ASXL3: variants seen among roughly 807,000 people sequenced by gnomAD.
ASXL3 encodes putative Polycomb group protein ASXL3.
ASXL3 carries 34 observed loss-of-function variants against 170.6 expected under a neutral mutation model. The ratio of observed to expected loss-of-function variants is 0.20; its 90% CI spans 0.15 to 0.27. ASXL3 has a LOEUF of 0.27. Ranked by LOEUF, ASXL3 falls within the 10% of genes least tolerant of loss-of-function variation. The probability of loss-of-function intolerance (pLI) is 1.00; values close to 1 mark genes in which losing one functional copy is unlikely to be tolerated. For synonymous variants in ASXL3, 1,002 were observed against 989.1 expected, an observed-to-expected ratio of 1.01 and a Z score of -0.24; for missense variants, 2,592 against 2,695.3, an observed-to-expected ratio of 0.96 and a Z score of 0.85.
chr18:33,642,053 C>T (rs1035632518), intron 2 of ASXL3, among the ~76,000 whole-genome samples: 1 of 151,828 alleles, frequency 6.6e-6, no homozygotes, highest in Admixed American at 6.6e-5. Context: ...GCATGTACAT[C>T]TGCCTCATTT....
intron 8 of ASXL3, among the ~76,000 whole-genome samples, chr18:33,690,924 C>T (rs1297999514): frequency 6.6e-6 from 1 of 152,136 alleles, no homozygotes; most frequent in Non-Finnish European, 1.5e-5. Flanking sequence ...CATGGTTGGA[C>T]TCTAAAACTC....
intron 2 of ASXL3, among the ~76,000 whole-genome samples, chr18:33,611,060 G>A (rs997410556): frequency 6.6e-6 from 1 of 152,056 alleles, no homozygotes; most frequent in Non-Finnish European, 1.5e-5. Context: ...TTATTTGACT[G>A]AGGTGAAATT....
In ASXL3 at chr18:33,608,940, C is replaced by T. The variant is rs571857608; in HGVS notation, c.137+1264C>T. On this transcript the variant is annotated intron_variant, in intron 2 of 11. Transcript: ENST00000269197. The stretch of plus-strand genomic sequence containing the variant: ...CACAATTTACTGGCGTACAGGACAC[C>T]TATGCTCAAATTTTCATTTTTTATT... The T allele has an allele frequency of 4.1e-4, 300 of 737,034 alleles. No individual in the cohort carries two copies. The African/African-American group carries it at 5.0e-3, about 12-fold the overall frequency. 45.7% of individuals were successfully genotyped at this position (737,034 alleles called of 1,614,324 possible).
At chr18:33,730,235 C>T (rs1568353880) in intron 8 of ASXL3, among the ~76,000 whole-genome samples, 1 of 151,980 alleles carries the variant, frequency 6.6e-6, no homozygotes, top group African/African-American at 2.4e-5. Flanking sequence ...ACAGGACATG[C>T]CCCCACTAAA....
chr18:33,614,733 G>A (rs2065394183), intron 2 of ASXL3: 1 of 152,092 alleles, frequency 6.6e-6, no homozygotes, highest in Admixed American at 6.6e-5. Flanking sequence ...TAGCAGGTAT[G>A]AAAGCAACAT....
intron 7 of ASXL3, among the ~76,000 whole-genome samples, chr18:33,672,735 A>G (rs931057970): frequency 6.6e-6 from 1 of 152,196 alleles, no homozygotes; most frequent in Non-Finnish European, 1.5e-5. Context: ...ACTTGAGATA[A>G]TTCTTATTTG....
rs1480362565 is a variant in ASXL3 at position 33,739,167 on chromosome 18, T to C, written c.1763T>C (p.Ile588Thr). 2 of 1,613,788 alleles carry C rather than the reference T, an allele frequency of 1.2e-6. No homozygotes were observed. The highest frequency in any genetic ancestry group is 1.7e-5 in the Admixed American group (1 of 59,956). ...SLEGQFPNEG[I>T]AIDMELQSDP... is the part of the protein sequence containing the mutation. The stretch of plus-strand genomic sequence containing the variant: ...GAAGGCCAGTTTCCAAATGAAGGAA[T>C]TGCTATAGATATGGAGCTACAGAGT... The change falls in exon 11 of 12, where the codon ATT (isoleucine) becomes ACT (threonine). Residue 588 changes from isoleucine to threonine, a missense_variant. Around this residue, in one of 4 missense-constraint regions of ASXL3, gnomAD observed 2,246 missense variants for 2,219.6 expected, o/e 1.01. Transcript: ENST00000269197.
At chr18:33,659,725 G>A (rs2066141687) in intron 4 of ASXL3, among the ~76,000 whole-genome samples, 1 of 152,034 alleles carries the variant, frequency 6.6e-6, no homozygotes. Flanking sequence ...AGAAGCCTAG[G>A]AAGCATAGTT....
At chr18:33,719,720 T>C (rs942761418) in intron 8 of ASXL3, among the ~76,000 whole-genome samples, 1 of 151,944 alleles carries the variant, frequency 6.6e-6, no homozygotes, top group Admixed American at 6.6e-5. Flanking sequence ...AGTTCTCTTA[T>C]AAGAAACCCC....
At chr18:33,624,009 C>A (rs2065560143) in intron 2 of ASXL3, among the ~76,000 whole-genome samples, 6 of 152,034 alleles carry the variant, frequency 3.9e-5, no homozygotes, top group East Asian at 1.9e-4. Context: ...ATAAAAAAAA[C>A]CAGCCAGGTG....
intron 5 of ASXL3, among the ~76,000 whole-genome samples, chr18:33,666,105 A>AG (rs1304365580): frequency 6.6e-6 from 1 of 152,150 alleles, no homozygotes; most frequent in Non-Finnish European, 1.5e-5. Context: ...ACCGGCTTGA[A>AG]GGTACATTCC....
chr18:33,678,077 A>ATTAT (rs140094203), intron 7 of ASXL3, among the ~76,000 whole-genome samples: 4,092 of 149,270 alleles, frequency 0.027, 99 homozygotes, highest in Admixed American at 0.072. Context: ...TTATGTATTT[A>ATTAT]TTATTTATTT....
chr18:33,628,681 A>C (rs1454928722), intron 2 of ASXL3, among the ~76,000 whole-genome samples: 1 of 152,194 alleles, frequency 6.6e-6, no homozygotes, highest in Non-Finnish European at 1.5e-5. Flanking sequence ...GAAAGACAGC[A>C]TTTGAAGACA....
chr18:33,740,428 G>A lies in ASXL3; in HGVS notation c.3024G>A (p.Arg1008=). Residue 1008 remains arginine (R), a synonymous_variant, in exon 11 of 12, where the codon AGG becomes AGA. Coordinates refer to ENST00000269197, the MANE Select transcript of ASXL3 (RefSeq NM_030632.3). The part of the protein sequence containing the change: ...EKEQPPREEP[R]VPPLKIQLSK... Reference sequence around the variant, plus strand: ...AACAGCCTCCCAGAGAGGAACCAAGGGTTCCCCCTCTCAAGGTATGGTATT... The same window carrying A: ...AACAGCCTCCCAGAGAGGAACCAAGAGTTCCCCCTCTCAAGGTATGGTATT... The A allele has an allele frequency of 6.4e-7, 1 of 1,573,810 alleles. No individual in the cohort carries two copies. The highest frequency in any genetic ancestry group is 8.6e-7 in the Non-Finnish European group (1 of 1,165,962).
At chr18:33,651,879 G>T (rs1244074863) in intron 4 of ASXL3, among the ~76,000 whole-genome samples, 1 of 151,980 alleles carries the variant, frequency 6.6e-6, no homozygotes, top group Non-Finnish European at 1.5e-5. Context: ...AAGGTACTTT[G>T]TTACAAAGTT....
At chr18:33,693,800 AAGG>A (rs1171454419) in intron 8 of ASXL3, among the ~76,000 whole-genome samples, 2 of 152,140 alleles carry the variant, frequency 1.3e-5, no homozygotes, top group Non-Finnish European at 2.9e-5. Context: ...GAGATTTACA[AAGG>A]CTCAAATTTG....
intron 8 of ASXL3, among the ~76,000 whole-genome samples, chr18:33,693,806 C>T (rs530213354): frequency 2.4e-4 from 36 of 152,220 alleles, no homozygotes; most frequent in South Asian, 8.3e-4. Flanking sequence ...TACAAAGGCT[C>T]AAATTTGAAG....
chr18:33,589,834 T>G (rs1249600015), intron 1 of ASXL3, among the ~76,000 whole-genome samples: 1 of 152,188 alleles, frequency 6.6e-6, no homozygotes, highest in Non-Finnish European at 1.5e-5. Flanking sequence ...TGGGTACTTA[T>G]GTGCTTCATG....
chr18:33,731,910 T>A (rs2067455064), intron 8 of ASXL3, 58 bp from the exon 9 acceptor site: 1 of 1,449,944 alleles, frequency 6.9e-7, no homozygotes, highest in Non-Finnish European at 9.6e-7. Flanking sequence ...CTTTCCTGCA[T>A]ACTTTTGCTT....
Sources: gnomAD v4.1 joint callset for allele counts (sites outside exome capture counted in the v4.1 genomes callset) on GRCh38, gnomAD v4.1.1 for gene constraint, gnomAD v4.1.1 regional missense constraint, MANE v1.5 for transcripts, NCBI Gene and HGNC (gene_info 2026-07-23, HGNC 2026-07-21) for gene names.